The following SEMA4F variants were observed in gnomAD, a reference collection of about 807,000 sequenced individuals.
The protein encoded by SEMA4F is ssemaphorin 4F, also known as semaphorin-4F.
Under a neutral mutation model 78.4 loss-of-function variants are expected in SEMA4F, and 51 were observed. The observed-to-expected ratio is 0.65, with a 90% CI of 0.52 to 0.82. The LOEUF (loss-of-function observed/expected upper bound fraction) is 0.82. Ranked by LOEUF, SEMA4F falls within the 40% of genes least tolerant of loss-of-function variation. The probability of loss-of-function intolerance (pLI) is 0.00; values close to 1 mark genes in which losing one functional copy is unlikely to be tolerated. For missense variants in SEMA4F, 938 were observed against 1,014.4 expected (o/e 0.92, Z 1.02); for synonymous variants, 418 against 408.7 (o/e 1.02, Z -0.27).
At chr2:74,709,116 G>A in the SEMA4F span, among the ~76,000 whole-genome samples, 1 of 152,196 alleles carries the variant, frequency 6.6e-6, no homozygotes, top group South Asian at 2.1e-4. Flanking sequence ...GGTGAGCTGT[G>A]ATTGCATAAT....
chr2:74,673,282 T>C (rs1230939074), intron 5 of SEMA4F, among the ~76,000 whole-genome samples, 175 bp from the exon 6 acceptor site: 4 of 152,220 alleles, frequency 2.6e-5, no homozygotes, highest in Admixed American at 2.6e-4. Flanking sequence ...GAGCAGTTTA[T>C]GTCTAGATTT....
At chr2:74,708,428 A>T in the SEMA4F span, among the ~76,000 whole-genome samples, 7 of 151,986 alleles carry the variant, frequency 4.6e-5, no homozygotes, top group Non-Finnish European at 8.8e-5. Flanking sequence ...CTCAGTGATT[A>T]TGTCAGTGAA....
the SEMA4F span, among the ~76,000 whole-genome samples, chr2:74,691,547 A>T: frequency 2.0e-5 from 3 of 152,220 alleles, no homozygotes; most frequent in African/African-American, 7.2e-5. Flanking sequence ...GAGGTCTCGT[A>T]CTTTTCCAAA....
chr2:74,693,181 C>T, the SEMA4F span, among the ~76,000 whole-genome samples: 1 of 152,206 alleles, frequency 6.6e-6, no homozygotes, highest in Admixed American at 6.5e-5. Flanking sequence ...GGGTACTTTT[C>T]CACAATAAAA....
At chr2:74,687,902 A>AAACCACTTTGC (rs1231759522), downstream of SEMA4F, among the ~76,000 whole-genome samples, 18 of 152,314 alleles carry the variant, frequency 1.2e-4, no homozygotes, top group African/African-American at 4.3e-4. Flanking sequence ...TGAAAGAATC[A>AAACCACTTTGC]AAGTATCCCT....
At chr2:74,685,741 G>A (rs75296996), downstream of SEMA4F, among the ~76,000 whole-genome samples, 1,297 of 152,250 alleles carry the variant, frequency 8.5e-3, 15 homozygotes, top group African/African-American at 0.029. Context: ...TACTATAGCT[G>A]TCTTAGAGTT....
rs767078232 is a variant in SEMA4F, at chr2:74,679,881, G to T, written c.1985G>T (p.Gly662Val). Reference protein sequence around the residue: ...APSRAHTVGAGLAGFFLGILA... With the variant: ...APSRAHTVGAVLAGFFLGILA... ...AGCCGGGCCCACACAGTGGGGGCGG[G>T]ACTGGCTGGCTTCTTCTTGGGGATT... Residue 662 changes from glycine (G) to valine (V), a missense_variant, in exon 14 of 14, where the codon GGA becomes GTA. Transcript: ENST00000357877. 1 of 1,614,226 alleles carries T rather than the reference G, an allele frequency of 6.2e-7. No homozygotes were observed. Among genetic ancestry groups the T allele is most frequent in the Non-Finnish European group, 8.5e-7 (1 of 1,180,042 alleles).
At chr2:74,706,805 A>G in the SEMA4F span, among the ~76,000 whole-genome samples, 344 of 150,026 alleles carry the variant, frequency 2.3e-3, 1 homozygote, top group African/African-American at 8.3e-3. Context: ...TCTCATTTCT[A>G]TTAGTTTTTA....
In SEMA4F at chr2:74,680,388, T is replaced by G. The variant is rs1685552840; in HGVS notation, c.*179T>G. ...CCTGGATGGGCTTGGGGCCAGACCT[T>G]TGCCTGATTCCTGATTCCCATGAGA... On this transcript the variant is annotated 3_prime_UTR_variant, in exon 14 of 14. Coordinates refer to ENST00000357877, the MANE Select transcript of SEMA4F (RefSeq NM_004263.5). 1 of 637,718 alleles carries G rather than the reference T, an allele frequency of 1.6e-6. No individual in the cohort carries two copies. Among genetic ancestry groups the G allele is most frequent in the Non-Finnish European group, 2.5e-6 (1 of 401,012 alleles). 39.5% of individuals were successfully genotyped at this position (637,718 alleles called of 1,614,324 possible).
At chr2:74,672,036 T>TA (rs1421878577) in intron 5 of SEMA4F, among the ~76,000 whole-genome samples, 1 of 152,210 alleles carries the variant, frequency 6.6e-6, no homozygotes. Context: ...ATTATCTTTT[T>TA]AAAAAACAAA....
the SEMA4F span, among the ~76,000 whole-genome samples, chr2:74,707,287 G>A: frequency 6.6e-6 from 1 of 152,174 alleles, no homozygotes; most frequent in African/African-American, 2.4e-5. Flanking sequence ...GGGTTAAGGA[G>A]CATGATGTCA....
chr2:74,675,960 ATCCATAT>A (rs1558734287), intron 12 of SEMA4F, 51 bp downstream of exon 12: 9 of 1,547,604 alleles, frequency 5.8e-6, no homozygotes, highest in Non-Finnish European at 7.8e-6. Context: ...GCTCTGTCCC[ATCCATAT>A]GTCTACGTTT....
chr2:74,693,133 A>G, the SEMA4F span, among the ~76,000 whole-genome samples: 3 of 152,238 alleles, frequency 2.0e-5, no homozygotes, highest in Non-Finnish European at 4.4e-5. Context: ...GTATGATACT[A>G]TTTTGTAAAC....
the SEMA4F span, among the ~76,000 whole-genome samples, chr2:74,701,976 C>A: frequency 1.3e-5 from 2 of 152,152 alleles, no homozygotes; most frequent in East Asian, 3.9e-4. Flanking sequence ...TCCAGTGGGA[C>A]CCCGATGAGA....
intron 5 of SEMA4F, among the ~76,000 whole-genome samples, chr2:74,667,619 A>G (rs1464483868): frequency 1.3e-5 from 2 of 152,224 alleles, no homozygotes; most frequent in African/African-American, 4.8e-5. Flanking sequence ...GTTTATCTGT[A>G]CTATACTTAG....
In SEMA4F at chr2:74,654,497, C is replaced by T. The variant is rs918486880; in HGVS notation, c.121C>T (p.Pro41Ser). The T allele has an allele frequency of 6.4e-7, 1 of 1,572,066 alleles. No homozygotes were observed. The change falls in exon 1 of 14, where the codon CCC becomes TCC. Residue 41 changes from proline (P) to serine (S), a missense_variant. By Grantham distance (74) the Pro-to-Ser change is moderately conservative. Transcript: ENST00000357877. Reference protein sequence around the residue: ...PVSGRVPRSVPRTSLPISEAD... With the variant: ...PVSGRVPRSVSRTSLPISEAD... ...ATCCGGCCGCGTCCCCCGCTCGGTGCCCAGAACCTCGCTTCCAATCTCTGG... is the reference window on the plus strand; with the variant it reads ...ATCCGGCCGCGTCCCCCGCTCGGTGTCCAGAACCTCGCTTCCAATCTCTGG...
At chr2:74,687,889 G>C (rs925588750), downstream of SEMA4F, among the ~76,000 whole-genome samples, 1 of 152,062 alleles carries the variant, frequency 6.6e-6, no homozygotes, top group Non-Finnish European at 1.5e-5. Context: ...CTTTCTTTCA[G>C]AGTGAAAGAA....
chr2:74,662,816 G>A lies in SEMA4F; in HGVS notation c.541G>A (p.Val181Ile). ...TGAGCCAGCTCAGCGGTCAGCAGCT[G>A]TAATGGCTGGTGAGTGGGGAGAGAC... ...PFEPAQRSAA[V>I]MAGGVLYAAT... Residue 181 changes from valine to isoleucine, a missense_variant, in exon 5 of 14, where the codon GTA (valine) becomes ATA (isoleucine). Coordinates refer to ENST00000357877, the MANE Select transcript of SEMA4F (RefSeq NM_004263.5). 6.2e-7 allele frequency: 1 copy of A among 1,614,038 alleles called. No homozygotes were observed. Among genetic ancestry groups the A allele is most frequent in the Non-Finnish European group, 8.5e-7 (1 of 1,179,868 alleles).
chr2:74,702,630 T>C, the SEMA4F span, among the ~76,000 whole-genome samples: 38 of 152,124 alleles, frequency 2.5e-4, 1 homozygote, highest in Admixed American at 2.5e-3. Context: ...GGAAAGCAGA[T>C]TGATGATCAA....
Sources: allele counts gnomAD v4.1 joint callset (sites outside exome capture counted in the v4.1 genomes callset), GRCh38; gene constraint gnomAD v4.1.1; transcripts MANE v1.5; gene names NCBI Gene and HGNC (gene_info 2026-07-23, HGNC 2026-07-21).